NRXN3: variants seen among roughly 807,000 people sequenced by gnomAD.
NRXN3 encodes neurexin 3.
NRXN3 carries 32 observed loss-of-function variants against 137.6 expected under a neutral mutation model. The ratio of observed to expected loss-of-function variants is 0.23; its 90% CI spans 0.18 to 0.31. The LOEUF (loss-of-function observed/expected upper bound fraction) is 0.31, where lower values mean the gene tolerates loss of function less well. NRXN3 is among the 10% of genes least tolerant of loss of function. The pLI is 1.00. For missense variants in NRXN3, 1,574 were observed against 2,062.5 expected (o/e 0.76, Z 4.59); for synonymous variants, 798 against 784.5 (o/e 1.02, Z -0.29).
rs939711043 is a variant in NRXN3, at chr14:78,348,833, G to A, written c.757+50973G>A. On this transcript the variant is annotated intron_variant, in intron 4 of 20. Coordinates refer to ENST00000335750, the MANE Select transcript of NRXN3 (RefSeq NM_001330195.2). Reference sequence around the variant, plus strand: ...TTGGAGGTCAGACACCTGAGAAGTAGCTGGTGAGGGTAGGATATTTGCAGG... The same window carrying A: ...TTGGAGGTCAGACACCTGAGAAGTAACTGGTGAGGGTAGGATATTTGCAGG... 2.0e-5 allele frequency among the ~76,000 whole-genome samples: 3 copies of A among 152,168 alleles called. No individual in the cohort carries two copies. In the East Asian group the frequency reaches 5.8e-4, roughly 29 times the overall value.
At chr14:79,783,563 A>G (rs560622472) in intron 19 of NRXN3, among the ~76,000 whole-genome samples, 17 of 152,326 alleles carry the variant, frequency 1.1e-4, no homozygotes, top group Non-Finnish European at 2.1e-4. Flanking sequence ...CTTCAACTCC[A>G]TTAAGAGCTT....
At chr14:79,043,080 G>T (rs143341248) in intron 15 of NRXN3, among the ~76,000 whole-genome samples, 3 of 152,108 alleles carry the variant, frequency 2.0e-5, no homozygotes, top group Non-Finnish European at 4.4e-5. Flanking sequence ...GAATAATCCT[G>T]TGTTAAATCA....
Position 78,532,809 on chromosome 14 carries a change from T to G in NRXN3, c.758-112311T>G, listed in dbSNP as rs2096486817. Reference sequence around the variant, plus strand: ...TCATTGAAATCTGAATTATCTTTCTTTTCATCCAATGAATCATGCCTAGGT... The same window carrying G: ...TCATTGAAATCTGAATTATCTTTCTGTTCATCCAATGAATCATGCCTAGGT... On this transcript the variant is annotated intron_variant, in intron 4 of 20. Transcript: ENST00000335750. Among the ~76,000 whole-genome samples, 3 of 152,236 alleles carry G rather than the reference T, an allele frequency of 2.0e-5. No homozygotes were observed. In the South Asian group the frequency reaches 6.2e-4, roughly 32 times the overall value.
At chr14:79,782,685 A>G (rs2099117557) in intron 19 of NRXN3, among the ~76,000 whole-genome samples, 1 of 152,214 alleles carries the variant, frequency 6.6e-6, no homozygotes, top group South Asian at 2.1e-4. Flanking sequence ...CACAGTCTCC[A>G]AAATGCTGCC....
intron 15 of NRXN3, chr14:79,280,495 T>A (rs2081098665): frequency 6.2e-7 from 1 of 1,613,566 alleles, no homozygotes; most frequent in South Asian, 1.1e-5. Flanking sequence ...ACTCAGTGCC[T>A]ATTTCTATCT....
chr14:79,779,865 A>G (rs1353652485), intron 19 of NRXN3, among the ~76,000 whole-genome samples: 1 of 151,984 alleles, frequency 6.6e-6, no homozygotes, highest in Non-Finnish European at 1.5e-5. Context: ...GCTCCTCTGT[A>G]ATTTTATTTT....
intron 4 of NRXN3, among the ~76,000 whole-genome samples, chr14:78,451,909 A>G (rs1441141058): frequency 6.6e-6 from 1 of 152,210 alleles, no homozygotes; most frequent in Admixed American, 6.5e-5. Flanking sequence ...AAACTCACCT[A>G]GTGTTGTCCT....
intron 20 of NRXN3, among the ~76,000 whole-genome samples, chr14:79,842,506 A>C (rs1568425256): frequency 6.6e-6 from 1 of 152,166 alleles, no homozygotes; most frequent in Non-Finnish European, 1.5e-5. Flanking sequence ...GGCAGCTGGC[A>C]GGTCACAGTG....
intron 6 of NRXN3, among the ~76,000 whole-genome samples, chr14:78,692,059 T>C: frequency 6.6e-6 from 1 of 152,200 alleles, no homozygotes; most frequent in East Asian, 1.9e-4. Flanking sequence ...TAATATTATA[T>C]ACTAATATTT....
intron 4 of NRXN3, among the ~76,000 whole-genome samples, chr14:78,442,836 A>C (rs8009964): frequency 0.11 from 16,588 of 152,226 alleles, 1,358 homozygotes; most frequent in African/African-American, 0.22. Flanking sequence ...ATACTGAATA[A>C]ATAATATATT....
chr14:79,730,827 T>C (rs930623770), intron 19 of NRXN3, among the ~76,000 whole-genome samples: 4 of 152,150 alleles, frequency 2.6e-5, no homozygotes, highest in Non-Finnish European at 4.4e-5. Context: ...CATCCCCCAG[T>C]GAACAAAATG....
intron 15 of NRXN3, among the ~76,000 whole-genome samples, chr14:79,163,838 T>C (rs2061033301): frequency 6.6e-6 from 1 of 151,980 alleles, no homozygotes; most frequent in Non-Finnish European, 1.5e-5. Flanking sequence ...TCCTTTCCCA[T>C]GTTATTTATA....
At chr14:79,484,170 C>A (rs1276884293) in intron 16 of NRXN3, among the ~76,000 whole-genome samples, 1 of 152,142 alleles carries the variant, frequency 6.6e-6, no homozygotes. Flanking sequence ...ATTCCCATTG[C>A]CCCAGCACAT....
chr14:79,242,106 G>A (rs2074404084), intron 15 of NRXN3, among the ~76,000 whole-genome samples: 1 of 151,866 alleles, frequency 6.6e-6, no homozygotes, highest in African/African-American at 2.4e-5. Flanking sequence ...ACCCTATCAG[G>A]TAAATCACTG....
At chr14:78,473,695 G>A (rs1236512989) in intron 4 of NRXN3, among the ~76,000 whole-genome samples, 1 of 152,170 alleles carries the variant, frequency 6.6e-6, no homozygotes, top group African/African-American at 2.4e-5. Context: ...GGGTGGTTCT[G>A]CCTTGAGATC....
intron 4 of NRXN3, among the ~76,000 whole-genome samples, chr14:78,529,928 A>G (rs180865985): frequency 6.6e-6 from 1 of 152,366 alleles, no homozygotes; most frequent in Non-Finnish European, 1.5e-5. Context: ...TGCACTGAAT[A>G]TTTAGCACTA....
chr14:79,545,667 GT>G (rs1339566608), intron 16 of NRXN3, among the ~76,000 whole-genome samples: 52 of 145,614 alleles, frequency 3.6e-4, no homozygotes, highest in African/African-American at 4.7e-4. Flanking sequence ...CGGAGGGCTT[GT>G]TTTTTTTTTT....
chr14:78,557,302 C>T (rs2096748137), intron 4 of NRXN3, among the ~76,000 whole-genome samples: 1 of 151,208 alleles, frequency 6.6e-6, no homozygotes, highest in African/African-American at 2.4e-5. Context: ...AATCTTCCTG[C>T]CTTGGCCTCT....
In NRXN3 at chr14:78,797,216, A is replaced by T. The variant is rs1423236085; in HGVS notation, c.2045-6404A>T. On this transcript the variant is annotated intron_variant, in intron 8 of 20. Transcript: ENST00000335750. ...CAGAATTATCTCTATCAAATCACTA[A>T]ATAAATGAACATATGAACAAACAAT... Among the ~76,000 whole-genome samples the T allele has an allele frequency of 3.9e-5, 6 of 152,354 alleles. No individual in the cohort carries two copies. The East Asian group carries it at 1.2e-3, about 29-fold the overall frequency.
Sources: gnomAD v4.1 joint callset for allele counts (sites outside exome capture counted in the v4.1 genomes callset) on GRCh38, gnomAD v4.1.1 for gene constraint, MANE v1.5 for transcripts, NCBI Gene and HGNC (gene_info 2026-07-23, HGNC 2026-07-21) for gene names.